Variants in AGMO observed in about 807,000 individuals in gnomAD.
AGMO encodes the protein glyceryl-ether monooxygenase.
Under a neutral mutation model 60.2 loss-of-function variants are expected in AGMO, and 75 were observed. The ratio of observed to expected loss-of-function variants is 1.25; its 90% CI spans 1.03 to 1.51. AGMO has a LOEUF of 1.51. Among genes scored for constraint, AGMO ranks in the 40% most tolerant of loss-of-function variants. The pLI is 0.00. For missense variants in AGMO, 763 were observed against 525.5 expected (o/e 1.45, Z -4.42); for synonymous variants, 261 against 177.1 (o/e 1.47, Z -3.76).
chr7:15,360,047 C>T (rs10227084), intron 12 of AGMO, among the ~76,000 whole-genome samples: 1 of 151,850 alleles, frequency 6.6e-6, no homozygotes, highest in Non-Finnish European at 1.5e-5. Context: ...AAGCTTTTGG[C>T]GGAGTAGGCA....
At chr7:15,366,542 T>C (rs1782988244) in intron 10 of AGMO, among the ~76,000 whole-genome samples, 1 of 152,110 alleles carries the variant, frequency 6.6e-6, no homozygotes, top group Admixed American at 6.6e-5. Flanking sequence ...GATAAATTAC[T>C]CACATTTTAA....
the AGMO span, among the ~76,000 whole-genome samples, chr7:15,157,713 G>A: frequency 6.6e-6 from 1 of 152,164 alleles, no homozygotes; most frequent in South Asian, 2.1e-4. Context: ...CCAGGTTCAA[G>A]CTTGCTGGTG....
At chr7:15,211,422 A>G (rs955259366) in intron 12 of AGMO, among the ~76,000 whole-genome samples, 5 of 152,022 alleles carry the variant, frequency 3.3e-5, no homozygotes, top group African/African-American at 4.8e-5. Flanking sequence ...AGCTGCGGCT[A>G]TATGATAATT....
intron 12 of AGMO, among the ~76,000 whole-genome samples, chr7:15,228,480 G>C (rs1268868835): frequency 6.6e-6 from 1 of 152,088 alleles, no homozygotes; most frequent in African/African-American, 2.4e-5. Flanking sequence ...AAAATGGGCT[G>C]GAGAAATAGT....
rs79781212 is a variant in AGMO, at chr7:15,403,686, C to A, written c.610-9507G>T. 6.3e-3 allele frequency among the ~76,000 whole-genome samples: 953 copies of A among 151,986 alleles called. 7 individuals carry two copies. The highest frequency in any genetic ancestry group is 0.022 in the African/African-American group (898 of 41,524). ...TTCTGAATTAGTTGATCTTTAAACA[C>A]TTATTGTTTTACTTGTTACAAGCTT... On this transcript the variant is annotated intron_variant, in intron 5 of 12. Transcript: ENST00000342526.
At position 15,411,142 on chromosome 7, in the gene AGMO, G is replaced by T. The variant is rs553297617; in HGVS notation, c.609+7416C>A. Among the ~76,000 whole-genome samples, 15 of 152,008 alleles carry T rather than the reference G, an allele frequency of 9.9e-5. No individual in the cohort carries two copies. The South Asian group carries it at 3.1e-3, about 32-fold the overall frequency. ...TAAATTTGCACCCTATTTGCTCTCCGTATTGCATGATTGCTTGCCCTCTGC... is the reference window on the plus strand; with the variant it reads ...TAAATTTGCACCCTATTTGCTCTCCTTATTGCATGATTGCTTGCCCTCTGC... On this transcript the variant is annotated intron_variant, in intron 5 of 12. Transcript: ENST00000342526.
At position 15,535,943 on chromosome 7, in the gene AGMO, C is replaced by T. The variant is rs772422773; in HGVS notation, c.409+8829G>A. On this transcript the variant is annotated intron_variant, in intron 3 of 12. Coordinates refer to ENST00000342526, the MANE Select transcript of AGMO (RefSeq NM_001004320.2). Reference sequence around the variant, plus strand: ...AGCAATTAGGAGGCTTTATAATATACGTGGGTACTCAGTTAATGTCTCATG... The same window carrying T: ...AGCAATTAGGAGGCTTTATAATATATGTGGGTACTCAGTTAATGTCTCATG... Among the ~76,000 whole-genome samples the T allele has an allele frequency of 2.0e-5, 3 of 151,542 alleles. No individual in the cohort carries two copies. The East Asian group carries it at 5.8e-4, about 29-fold the overall frequency.
the AGMO span, among the ~76,000 whole-genome samples, chr7:15,125,187 T>G: frequency 6.6e-6 from 1 of 152,146 alleles, no homozygotes; most frequent in African/African-American, 2.4e-5. Context: ...TTATGCAGTT[T>G]GTTCACTTTG....
At chr7:15,188,038 G>A in the AGMO span, among the ~76,000 whole-genome samples, 5 of 151,952 alleles carry the variant, frequency 3.3e-5, no homozygotes, top group East Asian at 1.9e-4. Flanking sequence ...TTTAGTTCAC[G>A]GCAAGCTTGC....
intron 3 of AGMO, among the ~76,000 whole-genome samples, chr7:15,477,439 C>T (rs1007720548): frequency 1.3e-5 from 2 of 152,050 alleles, no homozygotes; most frequent in African/African-American, 4.8e-5. Flanking sequence ...ATACATTCAA[C>T]AAAGCAGCAT....
At chr7:15,320,100 C>A (rs932345289) in intron 12 of AGMO, among the ~76,000 whole-genome samples, 1 of 118,706 alleles carries the variant, frequency 8.4e-6, no homozygotes, top group Non-Finnish European at 1.7e-5. Flanking sequence ...ACATCACACA[C>A]TTGGGCCTGT....
At chr7:15,197,086 A>G (rs1583283925), downstream of AGMO, among the ~76,000 whole-genome samples, 1 of 152,096 alleles carries the variant, frequency 6.6e-6, no homozygotes, top group East Asian at 1.9e-4. Context: ...CAGGCTTAAG[A>G]TAGAGCCAAG....
At chr7:15,280,080 G>C (rs531479849) in intron 12 of AGMO, among the ~76,000 whole-genome samples, 13 of 152,316 alleles carry the variant, frequency 8.5e-5, no homozygotes, top group Admixed American at 4.6e-4. Context: ...CAGGGGGTGA[G>C]TGAGAAGCCT....
intron 12 of AGMO, among the ~76,000 whole-genome samples, chr7:15,248,179 C>CATATATATATACATATATATATAT (rs1554401206): frequency 3.1e-5 from 1 of 32,660 alleles, no homozygotes; most frequent in Non-Finnish European, 9.9e-5. Flanking sequence ...GATCCAGCAC[C>CATATATATATACATATATATATAT]ATATATATAT....
chr7:15,322,714 A>AT (rs1429297860), intron 12 of AGMO, among the ~76,000 whole-genome samples: 3 of 44,480 alleles, frequency 6.7e-5, no homozygotes, highest in African/African-American at 2.6e-4. Context: ...AAATATATAT[A>AT]AATATATAAA....
chr7:15,269,018 C>T (rs77691538), intron 12 of AGMO, among the ~76,000 whole-genome samples: 181 of 152,086 alleles, frequency 1.2e-3, no homozygotes, highest in African/African-American at 3.9e-3. Context: ...TAGGATTGAG[C>T]AAATTTCTTC....
intron 12 of AGMO, among the ~76,000 whole-genome samples, chr7:15,261,821 T>C (rs117557422): frequency 0.011 from 1,690 of 152,138 alleles, 16 homozygotes; most frequent in Non-Finnish European, 0.018. Context: ...GTGGGTTTCA[T>C]ACCAGGGATG....
At chr7:15,280,143 G>T (rs1299881092) in intron 12 of AGMO, among the ~76,000 whole-genome samples, 1 of 152,210 alleles carries the variant, frequency 6.6e-6, no homozygotes, top group African/African-American at 2.4e-5. Context: ...GGTGGACTGG[G>T]AGGGGAATGG....
chr7:15,234,218 T>C (rs1023059071), intron 12 of AGMO, among the ~76,000 whole-genome samples: 2 of 152,174 alleles, frequency 1.3e-5, no homozygotes, highest in South Asian at 2.1e-4. Context: ...AAATAATAAC[T>C]TGAATCTTCC....
Sources: allele counts gnomAD v4.1 joint callset (sites outside exome capture counted in the v4.1 genomes callset), GRCh38; gene constraint gnomAD v4.1.1; transcripts MANE v1.5; gene names NCBI Gene and HGNC (gene_info 2026-07-23, HGNC 2026-07-21).